Variants in PRKG1 observed in about 807,000 individuals in gnomAD.
PRKG1 encodes the protein protein kinase cGMP-dependent 1.
PRKG1 carries 35 observed loss-of-function variants against 88.1 expected under a neutral mutation model. That is an observed-to-expected ratio of 0.40 (90% CI 0.30 to 0.53). The LOEUF (loss-of-function observed/expected upper bound fraction) is 0.53. Among genes scored for constraint, PRKG1 ranks in the 20% least tolerant of loss-of-function variants. The pLI, the probability that PRKG1 is intolerant of heterozygous loss-of-function variation, is 0.59. For missense variants in PRKG1, 540 were observed against 839.8 expected (o/e 0.64, Z 4.41); for synonymous variants, 303 against 292.5 (o/e 1.04, Z -0.37).
At chr10:51,723,556 G>T (rs1297242186) in intron 3 of PRKG1, among the ~76,000 whole-genome samples, 4 of 151,966 alleles carry the variant, frequency 2.6e-5, no homozygotes, top group African/African-American at 9.7e-5. Flanking sequence ...AACCACCATG[G>T]CATGTGTATA....
chr10:51,849,163 A>AT (rs1270605231), intron 4 of PRKG1, among the ~76,000 whole-genome samples: 2 of 152,140 alleles, frequency 1.3e-5, no homozygotes, highest in Non-Finnish European at 2.9e-5. Context: ...CCCATTCCAT[A>AT]TATCATCTTC....
At position 50,991,701 on chromosome 10, in the gene PRKG1, G is replaced by C; in HGVS notation, c.266+57G>C. The stretch of plus-strand genomic sequence containing the variant: ...GTCCCGGCCCGCGGCGCAGAGGCTG[G>C]GGGCTCTGGCCGCGGCGGCGGGGGC... On this transcript the variant is annotated intron_variant, in intron 1 of 17. Transcript: ENST00000401604. This position sits in a 1 kb window ranked among gnomAD's most constrained non-coding sequence, Gnocchi z 4.5. 8.3e-7 allele frequency: 1 copy of C among 1,202,746 alleles called. No individual in the cohort carries two copies. The highest frequency in any genetic ancestry group is 3.2e-5 in the South Asian group (1 of 30,882). 74.5% of individuals were successfully genotyped at this position (1,202,746 alleles called of 1,614,324 possible). A position where few individuals can be genotyped will look rare whatever the true frequency, so the allele number is the denominator to read the frequency against.
rs148814673 is a variant in PRKG1 at position 51,301,928 on chromosome 10, C to T, written c.478+148598C>T. 3.1e-3 allele frequency among the ~76,000 whole-genome samples: 471 copies of T among 152,334 alleles called. 2 individuals are homozygous for T. Among genetic ancestry groups the T allele is most frequent in the Non-Finnish European group, 4.2e-3 (286 of 68,028 alleles). ...TGAGTGTGTGACTGCCTTCTCTTCT[C>T]ATGTGTCATCTGTGTGAATTCTTCC... On this transcript the variant is annotated intron_variant, in intron 2 of 17. Transcript: ENST00000373980.
intron 2 of PRKG1, among the ~76,000 whole-genome samples, chr10:51,224,563 A>C (rs913267937): frequency 6.6e-6 from 1 of 152,228 alleles, no homozygotes; most frequent in Non-Finnish European, 1.5e-5. Flanking sequence ...TATCACATAC[A>C]TAAGAACACA....
rs1253903650 is a variant in PRKG1 at position 51,508,058 on chromosome 10, T to C, written c.592+40222T>C. Among the ~76,000 whole-genome samples the C allele has an allele frequency of 4.6e-5, 7 of 152,166 alleles. No individual in the cohort carries two copies. The South Asian group carries it at 1.0e-3, about 23-fold the overall frequency. On this transcript the variant is annotated intron_variant, in intron 3 of 17. Transcript: ENST00000373980. ...TGGAGTCTGATAGTCCAGATTCAAG[T>C]CCTAGCTTTGTCATTTACTGTGTGA...
At chr10:51,070,834 A>C (rs568220140), upstream of PRKG1, among the ~76,000 whole-genome samples, 1 of 152,204 alleles carries the variant, frequency 6.6e-6, no homozygotes, top group Non-Finnish European at 1.5e-5. Context: ...CTTTGCTTCT[A>C]TTAAAGTTAT....
intron 5 of PRKG1, among the ~76,000 whole-genome samples, chr10:51,983,165 C>T (rs961775): frequency 0.32 from 48,207 of 151,900 alleles, 8,186 homozygotes; most frequent in Admixed American, 0.39. Context: ...CACTGGCAGG[C>T]GTGGGGCTGG....
At chr10:51,134,763 A>G (rs1845649832) in intron 1 of PRKG1, among the ~76,000 whole-genome samples, 1 of 152,124 alleles carries the variant, frequency 6.6e-6, no homozygotes, top group South Asian at 2.1e-4. Flanking sequence ...GGTCTAATTT[A>G]ACACCTGGAA....
chr10:51,255,582 C>T (rs541277833), intron 2 of PRKG1, among the ~76,000 whole-genome samples: 2 of 152,216 alleles, frequency 1.3e-5, no homozygotes, highest in African/African-American at 4.8e-5. Flanking sequence ...GCTTTTTCTG[C>T]TGAGATTGTC....
intron 2 of PRKG1, among the ~76,000 whole-genome samples, chr10:51,307,642 G>A (rs1841072337): frequency 6.6e-6 from 1 of 152,102 alleles, no homozygotes; most frequent in South Asian, 2.1e-4. Flanking sequence ...GTCCCGAGTA[G>A]AGGCAATAAG....
intron 3 of PRKG1, among the ~76,000 whole-genome samples, chr10:51,756,400 T>C (rs1366669877): frequency 6.6e-6 from 1 of 151,536 alleles, no homozygotes; most frequent in Non-Finnish European, 1.5e-5. Flanking sequence ...GGTGGGAGGA[T>C]TGCTTGAGCC....
At chr10:52,194,420 G>T (rs1389276569) in intron 9 of PRKG1, among the ~76,000 whole-genome samples, 2 of 152,100 alleles carry the variant, frequency 1.3e-5, no homozygotes, top group Admixed American at 6.6e-5. Context: ...GGAGAATGAT[G>T]ACTGTTATTC....
At chr10:51,325,308 TGGA>T (rs1841560931) in intron 2 of PRKG1, among the ~76,000 whole-genome samples, 2 of 152,196 alleles carry the variant, frequency 1.3e-5, no homozygotes, top group Admixed American at 6.5e-5. Context: ...TCACCCAGGC[TGGA>T]GTACAATGGT....
At chr10:51,671,046 A>AT (rs755183673) in intron 3 of PRKG1, among the ~76,000 whole-genome samples, 46 of 151,768 alleles carry the variant, frequency 3.0e-4, no homozygotes, top group Admixed American at 4.6e-4. Flanking sequence ...TATTTTAGAG[A>AT]TTTTTTTATG....
intron 3 of PRKG1, chr10:51,697,405 T>C: frequency 2.7e-6 from 1 of 375,658 alleles, no homozygotes; most frequent in Non-Finnish European, 4.8e-6. Context: ...TAACATACTG[T>C]AGATGCTTCA....
At chr10:51,816,412 A>G (rs1564658635) in intron 4 of PRKG1, among the ~76,000 whole-genome samples, 1 of 152,178 alleles carries the variant, frequency 6.6e-6, no homozygotes, top group African/African-American at 2.4e-5. Flanking sequence ...TTATAGAATA[A>G]AAAAAGTAAT....
chr10:51,892,618 A>G (rs1029158601), intron 4 of PRKG1, among the ~76,000 whole-genome samples: 2 of 152,178 alleles, frequency 1.3e-5, no homozygotes, highest in Non-Finnish European at 1.5e-5. Flanking sequence ...AACTGGAAAA[A>G]TTATGAAATT....
intron 3 of PRKG1, among the ~76,000 whole-genome samples, chr10:51,544,963 T>G (rs1476017553): frequency 2.6e-5 from 4 of 151,804 alleles, no homozygotes; most frequent in Non-Finnish European, 5.9e-5. Flanking sequence ...ATCAGAGAAA[T>G]GCAAATCAAA....
Position 52,229,186 on chromosome 10 carries a change from C to T in PRKG1, c.1077-22384C>T, listed in dbSNP as rs192990347. Among the ~76,000 whole-genome samples, 42 of 152,090 alleles carry T rather than the reference C, an allele frequency of 2.8e-4. No individual in the cohort carries two copies. The East Asian group carries it at 6.4e-3, about 23-fold the overall frequency. On this transcript the variant is annotated intron_variant, in intron 9 of 17. Transcript: ENST00000373980. ...AAAATTTACCTCTGAGAATGTCCCCCCAATAAACATTACTCAAAGGGGTAA... is the reference window on the plus strand; with the variant it reads ...AAAATTTACCTCTGAGAATGTCCCCTCAATAAACATTACTCAAAGGGGTAA...
Sources: gnomAD v4.1 joint callset for allele counts (sites outside exome capture counted in the v4.1 genomes callset) on GRCh38, gnomAD v4.1.1 for gene constraint, Gnocchi (gnomAD v3.1) non-coding constraint, MANE v1.5 for transcripts, NCBI Gene and HGNC (gene_info 2026-07-23, HGNC 2026-07-21) for gene names.